Variants in DLG2 observed in about 807,000 individuals in gnomAD.
DLG2 encodes the protein disks large homolog 2.
A neutral mutation model predicts 132.5 loss-of-function variants in DLG2; 45 were observed. The observed-to-expected ratio is 0.34, with a 90% CI of 0.27 to 0.44. DLG2 has a LOEUF of 0.44. DLG2 is among the 20% of genes least tolerant of loss of function. The pLI, the probability that DLG2 is intolerant of heterozygous loss-of-function variation, is 1.00. For missense variants in DLG2, 1,045 were observed against 1,196.9 expected (o/e 0.87, Z 1.87); for synonymous variants, 424 against 419.6 (o/e 1.01, Z -0.13).
At chr11:84,903,756 T>C (rs2091191675) in intron 6 of DLG2, among the ~76,000 whole-genome samples, 1 of 152,134 alleles carries the variant, frequency 6.6e-6, no homozygotes, top group South Asian at 2.1e-4. Context: ...TTAGAGAGTA[T>C]TAAAAGTAAA....
At chr11:85,150,586 G>A (rs1352840057) in intron 5 of DLG2, among the ~76,000 whole-genome samples, 1 of 151,918 alleles carries the variant, frequency 6.6e-6, no homozygotes, top group Admixed American at 6.6e-5. Flanking sequence ...CATAGGAGTG[G>A]AATCATACAG....
At chr11:85,100,046 T>C (rs749563440) in intron 6 of DLG2, among the ~76,000 whole-genome samples, 3 of 152,114 alleles carry the variant, frequency 2.0e-5, no homozygotes, top group African/African-American at 4.8e-5. Context: ...TTCAAAGATA[T>C]AGAAATTGTA....
intron 18 of DLG2, among the ~76,000 whole-genome samples, chr11:83,757,490 G>A (rs1294959624): frequency 1.3e-5 from 2 of 152,144 alleles, no homozygotes; most frequent in Non-Finnish European, 2.9e-5. Context: ...ATCCAAGATC[G>A]CCACTCAATG....
At chr11:85,161,458 G>A (rs760380405) in intron 4 of DLG2, among the ~76,000 whole-genome samples, 3 of 152,174 alleles carry the variant, frequency 2.0e-5, no homozygotes, top group Admixed American at 6.5e-5. Flanking sequence ...CCAGCTACCT[G>A]GTGTCAGGTT....
chr11:84,875,151 T>C (rs1357484949), intron 6 of DLG2, among the ~76,000 whole-genome samples: 3 of 152,076 alleles, frequency 2.0e-5, no homozygotes, highest in Non-Finnish European at 4.4e-5. Flanking sequence ...ATTCGTGATA[T>C]TAAGAATGAC....
intron 6 of DLG2, among the ~76,000 whole-genome samples, chr11:84,635,367 T>C (rs2099638909): frequency 6.6e-6 from 1 of 152,172 alleles, no homozygotes; most frequent in South Asian, 2.1e-4. Context: ...AAAAGCCCAA[T>C]GTCTACTGTG....
At chr11:83,641,912 T>TGAGA (rs149292458) in intron 18 of DLG2, among the ~76,000 whole-genome samples, 2 of 149,760 alleles carry the variant, frequency 1.3e-5, no homozygotes, top group African/African-American at 4.9e-5. Context: ...TGTGTGTGTG[T>TGAGA]GAGAGAGAGA....
At chr11:83,542,807 C>T (rs2096119302) in intron 19 of DLG2, among the ~76,000 whole-genome samples, 1 of 152,130 alleles carries the variant, frequency 6.6e-6, no homozygotes, top group South Asian at 2.1e-4. Context: ...AAAATCACCA[C>T]CCCACACATA....
chr11:85,167,043 A>T (rs2078504433), intron 4 of DLG2, among the ~76,000 whole-genome samples: 1 of 152,158 alleles, frequency 6.6e-6, no homozygotes, highest in Admixed American at 6.5e-5. Context: ...CAAACCTAGA[A>T]TTCTTTTCTT....
chr11:84,451,291 C>T (rs1311483052), intron 7 of DLG2, among the ~76,000 whole-genome samples: 5 of 151,982 alleles, frequency 3.3e-5, no homozygotes, highest in Admixed American at 2.6e-4. Context: ...TTAATTATCT[C>T]ATTAAATTTC....
chr11:84,149,836 C>A (rs777443341), intron 9 of DLG2, among the ~76,000 whole-genome samples: 5 of 152,048 alleles, frequency 3.3e-5, no homozygotes, highest in Admixed American at 6.5e-5. Flanking sequence ...CGGCTCACTG[C>A]AGCCTCCACC....
At chr11:84,995,244 T>A (rs533018395) in intron 6 of DLG2, among the ~76,000 whole-genome samples, 1 of 152,306 alleles carries the variant, frequency 6.6e-6, no homozygotes, top group South Asian at 2.1e-4. Flanking sequence ...ACTGAGTACC[T>A]GGCAATAATT....
chr11:84,479,954 A>C (rs1302584652), intron 7 of DLG2, among the ~76,000 whole-genome samples: 2 of 152,136 alleles, frequency 1.3e-5, no homozygotes, highest in Non-Finnish European at 2.9e-5. Flanking sequence ...TTGCTGTTAA[A>C]ATGTATCCTC....
At chr11:83,817,070 T>C (rs542919989) in intron 17 of DLG2, among the ~76,000 whole-genome samples, 2 of 152,326 alleles carry the variant, frequency 1.3e-5, no homozygotes, top group Admixed American at 1.3e-4. Flanking sequence ...ATTCATTCAT[T>C]ATATATTTAT....
intron 11 of DLG2, among the ~76,000 whole-genome samples, chr11:84,033,090 C>A (rs12800687): frequency 6.6e-6 from 1 of 152,124 alleles, no homozygotes; most frequent in African/African-American, 2.4e-5. Flanking sequence ...TCCACTAACA[C>A]GATATCCATT....
At chr11:85,119,245 C>A (rs974055472) in intron 5 of DLG2, among the ~76,000 whole-genome samples, 4 of 151,794 alleles carry the variant, frequency 2.6e-5, no homozygotes, top group Non-Finnish European at 5.9e-5. Context: ...GAGCCAAAAC[C>A]GATTCTGCAG....
chr11:84,435,367 T>G (rs2098997432), intron 7 of DLG2, among the ~76,000 whole-genome samples: 1 of 152,196 alleles, frequency 6.6e-6, no homozygotes, highest in Admixed American at 6.5e-5. Flanking sequence ...ACTGAGTGCC[T>G]ACATTTTTTG....
intron 7 of DLG2, among the ~76,000 whole-genome samples, chr11:84,449,812 A>C (rs766477331): frequency 4.6e-5 from 7 of 151,898 alleles, no homozygotes; most frequent in Non-Finnish European, 1.0e-4. Context: ...TTCATAAATA[A>C]ATAACCATAT....
intron 11 of DLG2, among the ~76,000 whole-genome samples, chr11:83,981,055 A>G (rs918788034): frequency 3.3e-5 from 5 of 152,232 alleles, no homozygotes; most frequent in African/African-American, 4.8e-5. Flanking sequence ...TTACTCTAGC[A>G]TAGAGAACAG....
Sources: gnomAD v4.1 joint callset for allele counts (sites outside exome capture counted in the v4.1 genomes callset) on GRCh38, gnomAD v4.1.1 for gene constraint, MANE v1.5 for transcripts, NCBI Gene and HGNC (gene_info 2026-07-23, HGNC 2026-07-21) for gene names.